The following AKAP19 variants were observed in gnomAD, a reference collection of about 807,000 sequenced individuals.
AKAP19 encodes the protein small A-kinase anchoring protein.
the AKAP19 span, among the ~76,000 whole-genome samples, chr2:189,943,257 T>C: frequency 6.6e-6 from 1 of 152,238 alleles, no homozygotes; most frequent in African/African-American, 2.4e-5. Flanking sequence ...CAGTGCTCCC[T>C]GCATCCCAGC....
At chr2:190,169,580 A>T in the AKAP19 span, among the ~76,000 whole-genome samples, 2 of 152,256 alleles carry the variant, frequency 1.3e-5, no homozygotes, top group African/African-American at 2.4e-5. Context: ...CAGGCTTCTT[A>T]TGAACAAATA....
At chr2:190,106,164 A>G in the AKAP19 span, among the ~76,000 whole-genome samples, 1 of 152,258 alleles carries the variant, frequency 6.6e-6, no homozygotes, top group South Asian at 2.1e-4. Flanking sequence ...TTGAAAGTAT[A>G]GATACATCAA....
chr2:189,944,065 G>A, the AKAP19 span, among the ~76,000 whole-genome samples: 21 of 152,342 alleles, frequency 1.4e-4, no homozygotes, highest in East Asian at 4.1e-3. Context: ...TATTGGGAAT[G>A]CATACAAGGC....
chr2:189,932,926 T>C, the AKAP19 span, among the ~76,000 whole-genome samples: 1 of 152,078 alleles, frequency 6.6e-6, no homozygotes, highest in Non-Finnish European at 1.5e-5. Context: ...CTTAAAATAT[T>C]TGTATCATTG....
the AKAP19 span, among the ~76,000 whole-genome samples, chr2:190,176,975 T>C: frequency 6.6e-6 from 1 of 152,162 alleles, no homozygotes; most frequent in Non-Finnish European, 1.5e-5. This position sits in a 1 kb window ranked among gnomAD's most constrained non-coding sequence, Gnocchi z 4.7. Context: ...GAAATAGCCA[T>C]GTTTTCCAAT....
the AKAP19 span, among the ~76,000 whole-genome samples, chr2:190,016,484 A>C: frequency 1.2e-4 from 19 of 152,160 alleles, no homozygotes; most frequent in Admixed American, 3.3e-4. Flanking sequence ...CTCCCTCAAC[A>C]TGTGGGGATT....
chr2:190,018,114 G>A, the AKAP19 span, among the ~76,000 whole-genome samples: 3 of 152,088 alleles, frequency 2.0e-5, no homozygotes, highest in Admixed American at 2.0e-4. Context: ...TGATTCTTAT[G>A]TGTCATGGTG....
At chr2:189,899,694 T>C in the AKAP19 span, among the ~76,000 whole-genome samples, 4 of 152,334 alleles carry the variant, frequency 2.6e-5, no homozygotes, top group Admixed American at 2.6e-4. Context: ...CTGTTGTCTA[T>C]GCGACTACTG....
chr2:189,978,704 A>G, the AKAP19 span, among the ~76,000 whole-genome samples: 2 of 152,156 alleles, frequency 1.3e-5, no homozygotes, highest in Non-Finnish European at 2.9e-5. Context: ...CTTCAACTAC[A>G]TCCATGTTGC....
the AKAP19 span, among the ~76,000 whole-genome samples, chr2:190,183,800 ATT>A: frequency 3.8e-4 from 57 of 151,898 alleles, no homozygotes; most frequent in African/African-American, 1.4e-3. Flanking sequence ...GGCATGGACT[ATT>A]TTAAAATGAC....
chr2:189,974,963 G>A, the AKAP19 span, among the ~76,000 whole-genome samples: 3 of 152,116 alleles, frequency 2.0e-5, no homozygotes, highest in Non-Finnish European at 4.4e-5. Context: ...TTTAATTGGA[G>A]CATTTAGCCC....
At chr2:190,127,116 T>C in the AKAP19 span, among the ~76,000 whole-genome samples, 2 of 151,828 alleles carry the variant, frequency 1.3e-5, no homozygotes, top group African/African-American at 4.8e-5. Flanking sequence ...GAAAGCTTAA[T>C]TTTGTCTTAT....
chr2:190,195,541 C>T, the AKAP19 span, among the ~76,000 whole-genome samples: 1 of 152,162 alleles, frequency 6.6e-6, no homozygotes, highest in Admixed American at 6.5e-5. Context: ...GTTTATGTGC[C>T]ACCTATATGT....
chr2:190,106,097 A>G, the AKAP19 span, among the ~76,000 whole-genome samples: 1 of 152,234 alleles, frequency 6.6e-6, no homozygotes, highest in Non-Finnish European at 1.5e-5. Context: ...ACTATGGCAA[A>G]AGAGACAAAC....
chr2:190,002,779 C>T, the AKAP19 span, among the ~76,000 whole-genome samples: 5 of 152,136 alleles, frequency 3.3e-5, no homozygotes, highest in African/African-American at 7.2e-5. Context: ...TACAGAGATG[C>T]CAAACTCTTG....
chr2:189,936,207 A>G, the AKAP19 span, among the ~76,000 whole-genome samples: 3 of 151,986 alleles, frequency 2.0e-5, no homozygotes, highest in Admixed American at 1.3e-4. Context: ...TTAGATGCCA[A>G]TAATAGTTTT....
At chr2:190,145,678 T>C in the AKAP19 span, among the ~76,000 whole-genome samples, 1 of 152,130 alleles carries the variant, frequency 6.6e-6, no homozygotes, top group African/African-American at 2.4e-5. Flanking sequence ...TATATCTTAC[T>C]GCCTGAGTTT....
At chr2:190,105,787 A>C in the AKAP19 span, among the ~76,000 whole-genome samples, 1 of 152,202 alleles carries the variant, frequency 6.6e-6, no homozygotes, top group Admixed American at 6.5e-5. Flanking sequence ...GCAAATCTCA[A>C]ACATGACTCT....
At chr2:190,152,947 G>C in the AKAP19 span, among the ~76,000 whole-genome samples, 1 of 150,446 alleles carries the variant, frequency 6.6e-6, no homozygotes, top group South Asian at 2.1e-4. Context: ...CTAGGCTGGA[G>C]TGCAGTGGCG....
Sources: allele counts gnomAD v4.1 joint callset (sites outside exome capture counted in the v4.1 genomes callset), GRCh38; gene constraint gnomAD v4.1.1; non-coding constraint Gnocchi (gnomAD v3.1); transcripts MANE v1.5; gene names NCBI Gene and HGNC (gene_info 2026-07-23, HGNC 2026-07-21).